DPP10: variants seen among roughly 807,000 people sequenced by gnomAD.
DPP10 encodes the protein dipeptidyl peptidase like 10, also known as inactive dipeptidyl peptidase 10.
A neutral mutation model predicts 120.9 loss-of-function variants in DPP10; 33 were observed. The observed-to-expected ratio is 0.27, with a 90% CI of 0.21 to 0.37. The LOEUF (loss-of-function observed/expected upper bound fraction) is 0.37, where lower values mean the gene tolerates loss of function less well. Ranked by LOEUF, DPP10 falls within the 10% of genes least tolerant of loss-of-function variation. The probability of loss-of-function intolerance (pLI) is 1.00; values close to 1 mark genes in which losing one functional copy is unlikely to be tolerated. For synonymous variants in DPP10, 337 were observed against 326.1 expected, an observed-to-expected ratio of 1.03 and a Z score of -0.36; for missense variants, 816 against 942.8, an observed-to-expected ratio of 0.87 and a Z score of 1.76.
At chr2:114,474,391 C>A (rs1182273492) in intron 1 of DPP10, among the ~76,000 whole-genome samples, 1 of 152,184 alleles carries the variant, frequency 6.6e-6, no homozygotes, top group Non-Finnish European at 1.5e-5. Context: ...CTTAGCCAAC[C>A]ACACTGGCCC....
chr2:115,641,231 T>G (rs1298501779), intron 5 of DPP10, among the ~76,000 whole-genome samples: 1 of 152,040 alleles, frequency 6.6e-6, no homozygotes, highest in Non-Finnish European at 1.5e-5. Context: ...TCCACAAGAG[T>G]CCATCGTCTA....
chr2:115,626,681 G>C (rs557177031), intron 5 of DPP10, among the ~76,000 whole-genome samples: 8 of 152,238 alleles, frequency 5.3e-5, no homozygotes, highest in Middle Eastern at 3.4e-3. Flanking sequence ...GGTATGTGTG[G>C]AAGAATGCTT....
At chr2:115,196,767 AC>A (rs1386701688) in intron 1 of DPP10, among the ~76,000 whole-genome samples, 1 of 152,216 alleles carries the variant, frequency 6.6e-6, no homozygotes, top group Non-Finnish European at 1.5e-5. Flanking sequence ...GTCAGCCTGC[AC>A]TTCTCACTTT....
chr2:114,931,380 G>T (rs1696058194), intron 1 of DPP10, among the ~76,000 whole-genome samples: 1 of 152,168 alleles, frequency 6.6e-6, no homozygotes, highest in African/African-American at 2.4e-5. Flanking sequence ...GCCAACATGG[G>T]CAGAGATCAC....
intron 1 of DPP10, among the ~76,000 whole-genome samples, chr2:114,543,654 G>T (rs1573612349): frequency 6.6e-6 from 1 of 152,186 alleles, no homozygotes; most frequent in African/African-American, 2.4e-5. Flanking sequence ...CACTTGCTCT[G>T]CTGCCAAGTC....
rs59203543 is a variant in DPP10, at chr2:114,987,804, C to CTTTTTTTTT, written c.61-321431_61-321423dup. Among the ~76,000 whole-genome samples, 16 of 101,032 alleles carry CTTTTTTTTT rather than the reference C, an allele frequency of 1.6e-4. 5 individuals carry two copies. The highest frequency in any genetic ancestry group is 7.5e-4 in the South Asian group (2 of 2,668). 66.3% of individuals were successfully genotyped at this position (101,032 alleles called of 152,430 possible). ...TATACTCCTTGAGTGTGGAGACTGT[C>CTTTTTTTTT]TTTTTTTTTTTTATTTTGAGATGGA... On this transcript the variant is annotated intron_variant, in intron 1 of 25. Coordinates refer to ENST00000410059, the MANE Select transcript of DPP10 (RefSeq NM_020868.6).
intron 1 of DPP10, among the ~76,000 whole-genome samples, chr2:114,998,909 T>C (rs1701264354): frequency 6.6e-6 from 1 of 152,194 alleles, no homozygotes. Flanking sequence ...TAACCAGAGC[T>C]GGGAAAAGTT....
chr2:115,456,575 G>A (rs2073563139), intron 3 of DPP10, among the ~76,000 whole-genome samples: 2 of 152,128 alleles, frequency 1.3e-5, no homozygotes, highest in African/African-American at 4.8e-5. Context: ...GCCCATCAAT[G>A]ATAGACTGGA....
intron 3 of DPP10, among the ~76,000 whole-genome samples, chr2:115,420,236 G>A (rs929740896): frequency 2.6e-5 from 4 of 152,160 alleles, no homozygotes; most frequent in African/African-American, 9.7e-5. Flanking sequence ...TTACAGTATA[G>A]TACAGACCTT....
chr2:115,075,695 C>T lies in DPP10; in HGVS notation c.61-233544C>T, dbSNP rs549929655. 6.4e-5 allele frequency among the ~76,000 whole-genome samples: 9 copies of T among 140,570 alleles called. No individual in the cohort carries two copies. In the South Asian group the frequency reaches 2.2e-3, roughly 34 times the overall value. The allele number at this position is 140,570 out of a possible 152,430, so 92.2% of individuals were successfully genotyped here. A position where few individuals can be genotyped will look rare whatever the true frequency, so the allele number is the denominator to read the frequency against. ...TTTACTGCAGGGAAGAATGAGATAG[C>T]AATGGTGAACTTTTTTTTTTTTTTT... On this transcript the variant is annotated intron_variant, in intron 1 of 25. Coordinates refer to ENST00000410059, the MANE Select transcript of DPP10 (RefSeq NM_020868.6).
chr2:115,282,415 T>G (rs1252180934), intron 1 of DPP10, among the ~76,000 whole-genome samples: 1 of 152,122 alleles, frequency 6.6e-6, no homozygotes, highest in Non-Finnish European at 1.5e-5. Context: ...AAATGTGTGG[T>G]ATTTGCCCCT....
chr2:115,690,041 G>A, intron 7 of DPP10, 120 bp downstream of exon 7: 1 of 857,828 alleles, frequency 1.2e-6, no homozygotes, highest in Non-Finnish European at 1.8e-6. Context: ...GTTTCCCTAA[G>A]TCCTTTATAT....
intron 1 of DPP10, among the ~76,000 whole-genome samples, chr2:115,179,486 T>G (rs2053933167): frequency 6.6e-6 from 1 of 152,176 alleles, no homozygotes; most frequent in African/African-American, 2.4e-5. Flanking sequence ...GGCATTTCTT[T>G]AAACAATAGA....
At chr2:114,903,385 T>C (rs533795199) in intron 1 of DPP10, among the ~76,000 whole-genome samples, 54 of 152,348 alleles carry the variant, frequency 3.5e-4, no homozygotes, top group African/African-American at 1.3e-3. Context: ...GTTGTACTAT[T>C]TTGCATTCCC....
chr2:115,757,184 ATAT>A (rs1679521321), intron 11 of DPP10, among the ~76,000 whole-genome samples: 2 of 152,048 alleles, frequency 1.3e-5, no homozygotes, highest in Admixed American at 6.6e-5. Context: ...ATTTCAACTA[ATAT>A]TATAAGAGTA....
At chr2:115,337,436 A>G (rs2063206200) in intron 2 of DPP10, among the ~76,000 whole-genome samples, 1 of 152,058 alleles carries the variant, frequency 6.6e-6, no homozygotes, top group African/African-American at 2.4e-5. Flanking sequence ...TTTGGGAGAT[A>G]GTATAGCTTA....
At chr2:115,659,845 A>G (rs1168919684) in intron 5 of DPP10, among the ~76,000 whole-genome samples, 1 of 152,136 alleles carries the variant, frequency 6.6e-6, no homozygotes, top group Non-Finnish European at 1.5e-5. Context: ...TTGACTTTTT[A>G]TTAATTAACC....
intron 1 of DPP10, among the ~76,000 whole-genome samples, chr2:114,924,878 A>G (rs544961761): frequency 2.3e-4 from 35 of 152,212 alleles, no homozygotes; most frequent in Middle Eastern, 3.2e-3. Context: ...TCAAAAGAGC[A>G]GTGCTTTTAT....
chr2:115,175,319 C>T (rs1177916017), intron 1 of DPP10, among the ~76,000 whole-genome samples: 2 of 152,126 alleles, frequency 1.3e-5, no homozygotes, highest in Admixed American at 6.5e-5. Context: ...TGTATCATTT[C>T]CTGCTCCGTG....
Sources: gnomAD v4.1 joint callset for allele counts (sites outside exome capture counted in the v4.1 genomes callset) on GRCh38, gnomAD v4.1.1 for gene constraint, MANE v1.5 for transcripts, NCBI Gene and HGNC (gene_info 2026-07-23, HGNC 2026-07-21) for gene names.